SMG6: variants seen among roughly 807,000 people sequenced by gnomAD.
The protein encoded by SMG6 is telomerase-binding protein EST1A.
In SMG6, 66 loss-of-function variants were observed where a neutral mutation model predicts 142.2. That is an observed-to-expected ratio of 0.46 (90% confidence interval 0.38 to 0.57). The LOEUF (loss-of-function observed/expected upper bound fraction) is 0.57, where lower values mean the gene tolerates loss of function less well. SMG6 is among the 20% of genes least tolerant of loss of function. SMG6 has a pLI of 0.00. For synonymous variants in SMG6, 779 were observed against 702.4 expected, an observed-to-expected ratio of 1.11 and a Z score of -1.72; for missense variants, 1,793 against 1,832.0, an observed-to-expected ratio of 0.98 and a Z score of 0.39.
At chr17:2,252,817 C>T (rs1360326351) in intron 8 of SMG6, among the ~76,000 whole-genome samples, 1 of 152,026 alleles carries the variant, frequency 6.6e-6, no homozygotes, top group Non-Finnish European at 1.5e-5. Flanking sequence ...AACCACTGGG[C>T]TATATCAGAC....
In SMG6 at chr17:2,222,549, CGGGGGGGGGGGGGGG is replaced by C. The variant is rs77237774; in HGVS notation, c.2869+13928_2869+13942del. ...AGCTCAGAGAGAGGCAATGCGGGGG[CGGGGGGGGGGGGGGG>C]GGGCAGGAGAAGAGGTCCATATATG... On this transcript the variant is annotated intron_variant, in intron 10 of 18. Transcript: ENST00000263073. Among the ~76,000 whole-genome samples the C allele has an allele frequency of 6.7e-4, 5 of 7,486 alleles. 1 individual carries two copies. Among genetic ancestry groups the C allele is most frequent in the African/African-American group, 2.0e-3 (5 of 2,470 alleles). The allele number at this position is 7,486 out of a possible 152,430, so 4.9% of individuals were successfully genotyped here.
chr17:2,297,391 T>C, intron 3 of SMG6, 38 bp from the exon 4 acceptor site: 1 of 1,498,438 alleles, frequency 6.7e-7, no homozygotes, highest in African/African-American at 1.4e-5. Context: ...AATCAATCTA[T>C]TCTAATCCAA....
intron 13 of SMG6, among the ~76,000 whole-genome samples, chr17:2,111,999 G>C (rs543820309): frequency 3.9e-5 from 6 of 152,194 alleles, no homozygotes; most frequent in African/African-American, 1.4e-4. Flanking sequence ...TTATCTGGCA[G>C]CAAGTACATA....
chr17:2,293,127 A>G (rs2075075300), intron 4 of SMG6, 150 bp from the exon 5 acceptor site: 1 of 612,396 alleles, frequency 1.6e-6, no homozygotes, highest in Non-Finnish European at 2.9e-6. Flanking sequence ...AAACCTGACT[A>G]CCAAAAAAAC....
intron 12 of SMG6, among the ~76,000 whole-genome samples, chr17:2,184,029 G>C (rs550140278): frequency 6.6e-6 from 1 of 152,282 alleles, no homozygotes; most frequent in East Asian, 1.9e-4. Flanking sequence ...CCCAGACACA[G>C]ACACAGACTG....
chr17:2,265,369 GGGT>G (rs551882164), intron 8 of SMG6, among the ~76,000 whole-genome samples: 108 of 136,980 alleles, frequency 7.9e-4, no homozygotes, highest in Non-Finnish European at 1.5e-3. Flanking sequence ...AATTAGCAGC[GGGT>G]GGTGACAGGA....
chr17:2,236,464 C>T (rs1054589202), intron 10 of SMG6, 28 bp downstream of exon 10: 1 of 1,604,076 alleles, frequency 6.2e-7, no homozygotes, highest in Admixed American at 1.7e-5. Flanking sequence ...TGTCTATATT[C>T]TAGATGAAGA....
chr17:2,132,617 C>T (rs1198541322), intron 13 of SMG6, among the ~76,000 whole-genome samples: 1 of 152,178 alleles, frequency 6.6e-6, no homozygotes, highest in Non-Finnish European at 1.5e-5. Context: ...TCTCTGCAGA[C>T]ATCTCATTAA....
chr17:2,219,443 C>A (rs2073110490), intron 10 of SMG6, among the ~76,000 whole-genome samples: 1 of 151,958 alleles, frequency 6.6e-6, no homozygotes, highest in Non-Finnish European at 1.5e-5. Flanking sequence ...AAGGTGGTTG[C>A]TGGACATTCT....
At chr17:2,252,323 C>T (rs1030815441) in intron 8 of SMG6, among the ~76,000 whole-genome samples, 1 of 151,696 alleles carries the variant, frequency 6.6e-6, no homozygotes, top group African/African-American at 2.4e-5. Flanking sequence ...TTGCTTGAAC[C>T]TGGGAGGTGG....
At chr17:2,103,922 T>C (rs1285616064) in intron 13 of SMG6, among the ~76,000 whole-genome samples, 1 of 152,116 alleles carries the variant, frequency 6.6e-6, no homozygotes, top group Non-Finnish European at 1.5e-5. Flanking sequence ...GAAAGCAGGC[T>C]TGACTTCCAG....
chr17:2,166,602 T>C (rs1046949262), intron 13 of SMG6, among the ~76,000 whole-genome samples: 19 of 152,032 alleles, frequency 1.2e-4, no homozygotes, highest in African/African-American at 3.9e-4. Context: ...GAACTACAGG[T>C]GTAATACCAT....
rs973922087 is a variant in SMG6, at chr17:2,060,006, C to T, written c.*1486G>A. 1 of 152,306 alleles carries T rather than the reference C, an allele frequency of 6.6e-6. No individual in the cohort carries two copies. The highest frequency in any genetic ancestry group is 2.4e-5 in the African/African-American group (1 of 41,448). 9.4% of individuals were successfully genotyped at this position (152,306 alleles called of 1,614,324 possible). On this transcript the variant is annotated 3_prime_UTR_variant, in exon 19 of 19. Transcript: ENST00000263073. The stretch of plus-strand genomic sequence containing the variant: ...GACCCTGTACTCCAAAGAGCCCAGT[C>T]TTCTGAGACTCTAGGGGACTCCTAC...
At chr17:2,291,188 G>A (rs561263) in intron 6 of SMG6, among the ~76,000 whole-genome samples, 86,382 of 151,392 alleles carry the variant, frequency 0.57, 25,870 homozygotes, top group East Asian at 0.75. Context: ...AAAACTAGCC[G>A]GGCGTGGTGG....
chr17:2,173,093 C>G lies in SMG6; in HGVS notation c.3156-234G>C. On this transcript the variant is annotated intron_variant, in intron 12 of 18. Coordinates refer to ENST00000263073, the MANE Select transcript of SMG6 (RefSeq NM_017575.5). ...AATTGATTAGGGGGAGTTTTTAATCCTCACCAGAGAGGAAAAAGAATTTGG... is the reference window on the plus strand; with the variant it reads ...AATTGATTAGGGGGAGTTTTTAATCGTCACCAGAGAGGAAAAAGAATTTGG... 4 of 539,058 alleles carry G rather than the reference C, an allele frequency of 7.4e-6. 1 individual carries two copies. The South Asian group carries it at 8.5e-5, about 11-fold the overall frequency. The allele number at this position is 539,058 out of a possible 1,614,324, so 33.4% of individuals were successfully genotyped here. A position where few individuals can be genotyped will look rare whatever the true frequency, so the allele number is the denominator to read the frequency against.
At position 2,299,296 on chromosome 17, in the gene SMG6, G is replaced by C; in HGVS notation, c.1457C>G (p.Thr486Arg). 1 of 1,614,122 alleles carries C rather than the reference G, an allele frequency of 6.2e-7. No individual in the cohort carries two copies. Among genetic ancestry groups the C allele is most frequent in the East Asian group, 2.2e-5 (1 of 44,870 alleles). The change falls in exon 2 of 19, where the codon ACA becomes AGA. Residue 486 changes from threonine (T) to arginine (R), a missense_variant. Coordinates refer to ENST00000263073, the MANE Select transcript of SMG6 (RefSeq NM_017575.5). This position sits in a 1 kb window ranked among gnomAD's most constrained non-coding sequence, Gnocchi z 4.3. ...FLDTDDEVSPTSWGDSRQAQA... is the reference protein window; with the variant it reads ...FLDTDDEVSPRSWGDSRQAQA... ...AGCCTGGCGTGAGTCACCCCAAGAT[G>C]TAGGGCTGACTTCATCATCAGTGTC...
At chr17:2,151,579 T>A (rs2070826873) in intron 13 of SMG6, among the ~76,000 whole-genome samples, 1 of 152,234 alleles carries the variant, frequency 6.6e-6, no homozygotes, top group South Asian at 2.1e-4. Flanking sequence ...CATGCAGTGT[T>A]AGTGATCCAT....
chr17:2,070,304 G>A (rs1272136681), intron 15 of SMG6, among the ~76,000 whole-genome samples: 1 of 152,166 alleles, frequency 6.6e-6, no homozygotes, highest in Non-Finnish European at 1.5e-5. Flanking sequence ...GCCAAGAATC[G>A]AACTGATCTG....
chr17:2,211,396 G>A (rs918746090), intron 10 of SMG6, among the ~76,000 whole-genome samples: 2 of 152,164 alleles, frequency 1.3e-5, no homozygotes, highest in South Asian at 4.1e-4. Context: ...CAGGCGCGGT[G>A]GCTCACGCCT....
Sources: allele counts gnomAD v4.1 joint callset (sites outside exome capture counted in the v4.1 genomes callset), GRCh38; gene constraint gnomAD v4.1.1; non-coding constraint Gnocchi (gnomAD v3.1); transcripts MANE v1.5; gene names NCBI Gene and HGNC (gene_info 2026-07-23, HGNC 2026-07-21).